CHRNB4: variants seen among roughly 807,000 people sequenced by gnomAD.
CHRNB4 encodes cholinergic receptor nicotinic beta 4 subunit.
Under a neutral mutation model 40.4 loss-of-function variants are expected in CHRNB4, and 23 were observed. The ratio of observed to expected loss-of-function variants is 0.57; its 90% CI spans 0.41 to 0.81. The LOEUF is 0.81. Ranked by LOEUF, CHRNB4 falls within the 30% of genes least tolerant of loss-of-function variation. CHRNB4 has a pLI of 0.00. For synonymous variants in CHRNB4, 285 were observed against 274.4 expected (o/e 1.04, Z -0.38); for missense variants, 568 against 670.6 (o/e 0.85, Z 1.69).
intron 2 of CHRNB4, among the ~76,000 whole-genome samples, chr15:78,633,125 G>A (rs2053870030): frequency 6.6e-6 from 1 of 152,096 alleles, no homozygotes; most frequent in Non-Finnish European, 1.5e-5. Flanking sequence ...CTTTGGATAA[G>A]TCTTGTGTTC....
exon 4 of CHRNB4, chr15:78,656,317 A>G (rs1371934422): frequency 2.7e-5 from 4 of 145,872 alleles, no homozygotes; most frequent in Non-Finnish European, 6.0e-5. Flanking sequence ...AGCCTGGGCA[A>G]GAGAGTAAGT....
rs189841404 is a variant in CHRNB4 at position 78,655,079 on chromosome 15, C to A, written c.-110+465G>T. Among the ~76,000 whole-genome samples, 6 of 152,296 alleles carry A rather than the reference C, an allele frequency of 3.9e-5. No homozygotes were observed. The East Asian group carries it at 9.6e-4, about 24-fold the overall frequency. ...TTCAGACAGCAAACATTTCCATAATCCCCCAAAGTTTTCTCATGCCCCTTT... is the reference window on the plus strand; with the variant it reads ...TTCAGACAGCAAACATTTCCATAATACCCCAAAGTTTTCTCATGCCCCTTT... On this transcript the variant is annotated intron_variant and NMD_transcript_variant, in intron 5 of 11. Transcript: ENST00000559849.
Position 78,629,132 on chromosome 15 carries a change from G to A in CHRNB4, c.1173C>T (p.Asn391=). Residue 391 remains asparagine, a synonymous_variant, in exon 5 of 6, where the codon AAC becomes AAT. Coordinates refer to ENST00000261751, the MANE Select transcript of CHRNB4 (RefSeq NM_000750.5). The surrounding 1 kb of genome is among the most constrained non-coding windows in gnomAD (Gnocchi z 6.8). ...NFYGNSMYFV[N]PASAASKSPA... ...GAGACTTGGAAGCTGCAGAGGCGGG[G>A]TTCACAAAGTACATGGAGTTCCCAT... The A allele has an allele frequency of 1.2e-6, 2 of 1,614,176 alleles. No homozygotes were observed. Among genetic ancestry groups the A allele is most frequent in the Non-Finnish European group, 1.7e-6 (2 of 1,180,010 alleles).
intron 1 of CHRNB4, among the ~76,000 whole-genome samples, chr15:78,638,524 C>T (rs1170037474): frequency 1.3e-5 from 2 of 152,184 alleles, no homozygotes; most frequent in African/African-American, 4.8e-5. Flanking sequence ...ATTAGCTTCC[C>T]TGTAAGGAGA....
At chr15:78,642,745 AAAG>A (rs1172006298), upstream of CHRNB4, among the ~76,000 whole-genome samples, 2 of 152,260 alleles carry the variant, frequency 1.3e-5, no homozygotes, top group African/African-American at 2.4e-5. Context: ...CTTTAAATAA[AAAG>A]AAGAGCTAAT....
chr15:78,647,008 GGT>G (rs941998017), intron 7 of CHRNB4, among the ~76,000 whole-genome samples: 3 of 152,040 alleles, frequency 2.0e-5, no homozygotes, highest in African/African-American at 7.2e-5. Flanking sequence ...TGGGTGTGCT[GGT>G]GTGTGTCTGT....
chr15:78,635,682 G>A, intron 1 of CHRNB4, 95 bp from the exon 2 acceptor site: 2 of 1,531,824 alleles, frequency 1.3e-6, no homozygotes, highest in South Asian at 1.2e-5. Context: ...GAGCACAGGT[G>A]CCCTTAGGGC....
chr15:78,630,358 G>A (rs1406874464), intron 4 of CHRNB4, among the ~76,000 whole-genome samples: 8 of 151,810 alleles, frequency 5.3e-5, no homozygotes, highest in Admixed American at 3.9e-4. Context: ...GGCTGGTCTC[G>A]AACTCCTGAT....
upstream of CHRNB4, among the ~76,000 whole-genome samples, chr15:78,641,795 G>T (rs1012610768): frequency 2.6e-5 from 4 of 152,170 alleles, no homozygotes; most frequent in African/African-American, 9.7e-5. Context: ...GGCTGGCCTC[G>T]TCCTCCCCCA....
At chr15:78,651,343 T>C (rs1596124148) in intron 6 of CHRNB4, among the ~76,000 whole-genome samples, 1 of 152,188 alleles carries the variant, frequency 6.6e-6, no homozygotes, top group East Asian at 1.9e-4. Context: ...ACAGATGTAG[T>C]GGTGCTGGCA....
At chr15:78,657,181 C>T (rs1240203670) in intron 3 of CHRNB4, among the ~76,000 whole-genome samples, 1 of 152,046 alleles carries the variant, frequency 6.6e-6, no homozygotes, top group Non-Finnish European at 1.5e-5. Flanking sequence ...CATGCCCCCA[C>T]GACTGGCTAA....
chr15:78,642,681 C>A (rs2054091295), upstream of CHRNB4, among the ~76,000 whole-genome samples: 1 of 152,098 alleles, frequency 6.6e-6, no homozygotes, highest in African/African-American at 2.4e-5. Flanking sequence ...AAAAGTTAGG[C>A]TAGCAAAGGG....
chr15:78,641,419 A>G (rs1397684516), upstream of CHRNB4, among the ~76,000 whole-genome samples: 1 of 152,190 alleles, frequency 6.6e-6, no homozygotes, highest in Admixed American at 6.5e-5. Flanking sequence ...CAGGCAGGAC[A>G]GTGCGGGCAC....
chr15:78,625,795 A>G (rs780555188), intron 5 of CHRNB4: 1 of 152,556 alleles, frequency 6.6e-6, no homozygotes, highest in Non-Finnish European at 1.5e-5. Flanking sequence ...GTCTGTTCAC[A>G]GCAGTGTCTG....
At chr15:78,656,724 A>C (rs1467066672) in intron 3 of CHRNB4, 1 of 152,246 alleles carries the variant, frequency 6.6e-6, no homozygotes, top group Non-Finnish European at 1.5e-5. Context: ...ATAAGACTCC[A>C]GAGACGGGCA....
At chr15:78,633,649 G>A (rs1157846318) in intron 2 of CHRNB4, among the ~76,000 whole-genome samples, 8 of 152,076 alleles carry the variant, frequency 5.3e-5, no homozygotes, top group East Asian at 1.9e-4. Context: ...GCATACCCCC[G>A]ATCTCTTGCC....
At chr15:78,649,066 C>T (rs541635216) in intron 7 of CHRNB4, among the ~76,000 whole-genome samples, 1 of 152,292 alleles carries the variant, frequency 6.6e-6, no homozygotes, top group South Asian at 2.1e-4. Context: ...GTGTGAGCCA[C>T]CGCTCCCGGC....
intron 1 of CHRNB4, 58 bp from the exon 2 acceptor site, chr15:78,635,645 C>T (rs2053934543): frequency 6.2e-7 from 1 of 1,601,654 alleles, no homozygotes; most frequent in African/African-American, 1.3e-5. Flanking sequence ...CCCACTGCAG[C>T]CTGTGGCAGC....
chr15:78,646,038 C>T (rs577825120), upstream of CHRNB4, among the ~76,000 whole-genome samples: 8 of 139,878 alleles, frequency 5.7e-5, no homozygotes, highest in East Asian at 6.2e-4. Flanking sequence ...CCAGCCTGGG[C>T]GACAGAGTGA....
Sources: allele counts gnomAD v4.1 joint callset (sites outside exome capture counted in the v4.1 genomes callset), GRCh38; gene constraint gnomAD v4.1.1; non-coding constraint Gnocchi (gnomAD v3.1); transcripts MANE v1.5; gene names NCBI Gene and HGNC (gene_info 2026-07-23, HGNC 2026-07-21).